CA10: variants seen among roughly 807,000 people sequenced by gnomAD.
CA10 encodes carbonic anhydrase-related protein 10.
A neutral mutation model predicts 44.2 loss-of-function variants in CA10; 14 were observed. The ratio of observed to expected loss-of-function variants is 0.32; its 90% CI spans 0.21 to 0.50. The LOEUF is 0.50. CA10 is among the 20% of genes least tolerant of loss of function. The probability of loss-of-function intolerance (pLI) is 0.99; values close to 1 mark genes in which losing one functional copy is unlikely to be tolerated. For missense variants in CA10, 350 were observed against 409.7 expected (o/e 0.85, Z 1.26); for synonymous variants, 159 against 141.6 (o/e 1.12, Z -0.87).
chr17:51,636,644 T>C (rs1263541378), intron 6 of CA10, among the ~76,000 whole-genome samples: 1 of 152,172 alleles, frequency 6.6e-6, no homozygotes, highest in Non-Finnish European at 1.5e-5. Flanking sequence ...TTAAAGCTTC[T>C]AGACCTGTTG....
chr17:51,998,296 T>C (rs979511332), intron 2 of CA10, among the ~76,000 whole-genome samples: 2 of 152,092 alleles, frequency 1.3e-5, no homozygotes, highest in African/African-American at 4.8e-5. Context: ...TGTGCTTAAT[T>C]ACACATTCAG....
At chr17:51,692,500 G>C (rs1219416049) in intron 4 of CA10, among the ~76,000 whole-genome samples, 1 of 151,834 alleles carries the variant, frequency 6.6e-6, no homozygotes, top group African/African-American at 2.4e-5. Flanking sequence ...AGGATAATTT[G>C]ATTTCTTCCT....
chr17:51,770,582 G>C (rs1479731347), intron 3 of CA10, among the ~76,000 whole-genome samples: 1 of 152,186 alleles, frequency 6.6e-6, no homozygotes, highest in Non-Finnish European at 1.5e-5. Context: ...GGTACTGATT[G>C]TATTAGGCTG....
chr17:51,783,245 T>A (rs1392369749), intron 3 of CA10, among the ~76,000 whole-genome samples: 1 of 152,188 alleles, frequency 6.6e-6, no homozygotes, highest in African/African-American at 2.4e-5. Context: ...ACTTATTGAA[T>A]GGCCCATTAG....
At chr17:51,871,336 A>C (rs1029116067) in intron 3 of CA10, among the ~76,000 whole-genome samples, 1 of 148,006 alleles carries the variant, frequency 6.8e-6, no homozygotes, top group Non-Finnish European at 1.5e-5. Flanking sequence ...GGTTCAAGCG[A>C]TTCTCCTGCC....
At chr17:51,672,322 G>A (rs1285092793) in intron 4 of CA10, among the ~76,000 whole-genome samples, 2 of 152,186 alleles carry the variant, frequency 1.3e-5, no homozygotes, top group Non-Finnish European at 2.9e-5. Context: ...GCAGCCCATG[G>A]TTTTAGTCAC....
intron 1 of CA10, among the ~76,000 whole-genome samples, chr17:52,114,256 G>T (rs1988844652): frequency 6.6e-6 from 1 of 152,134 alleles, no homozygotes; most frequent in African/African-American, 2.4e-5. Flanking sequence ...TACACCCTCA[G>T]ATTTCTGCTC....
intron 1 of CA10, among the ~76,000 whole-genome samples, chr17:52,127,379 T>A (rs982317393): frequency 6.7e-6 from 1 of 149,870 alleles, no homozygotes; most frequent in African/African-American, 2.4e-5. Context: ...GGGCTGTTTC[T>A]GATGTACTAT....
intron 3 of CA10, among the ~76,000 whole-genome samples, chr17:51,902,321 A>G (rs893979932): frequency 3.7e-4 from 57 of 152,150 alleles, no homozygotes; most frequent in African/African-American, 1.3e-3. Context: ...TTGCTCAGAG[A>G]TAGAAAGATG....
At chr17:51,766,572 A>C (rs1054719214) in intron 3 of CA10, among the ~76,000 whole-genome samples, 1 of 152,256 alleles carries the variant, frequency 6.6e-6, no homozygotes, top group Non-Finnish European at 1.5e-5. Flanking sequence ...GCTGACATTT[A>C]ATTTGCTGGG....
At chr17:52,109,410 T>C (rs1351392479) in intron 1 of CA10, among the ~76,000 whole-genome samples, 1 of 152,024 alleles carries the variant, frequency 6.6e-6, no homozygotes, top group East Asian at 1.9e-4. Flanking sequence ...AGAGAAGAAA[T>C]GTTTGAGTTT....
intron 3 of CA10, among the ~76,000 whole-genome samples, chr17:51,804,841 G>A (rs2143725864): frequency 6.6e-6 from 1 of 152,302 alleles, no homozygotes; most frequent in East Asian, 1.9e-4. Flanking sequence ...AACCATAAGG[G>A]TTTTAAAGCA....
intron 3 of CA10, among the ~76,000 whole-genome samples, chr17:51,798,341 G>C (rs1398574872): frequency 6.6e-6 from 1 of 152,194 alleles, no homozygotes; most frequent in African/African-American, 2.4e-5. Context: ...ATACTGTTGT[G>C]CATGTGCATC....
intron 2 of CA10, among the ~76,000 whole-genome samples, chr17:51,951,888 C>T (rs1204167277): frequency 6.6e-6 from 1 of 152,136 alleles, no homozygotes; most frequent in Non-Finnish European, 1.5e-5. Context: ...ACATTCTGTA[C>T]ACACAATAAC....
chr17:51,800,925 G>A (rs937726751), intron 3 of CA10, among the ~76,000 whole-genome samples: 12 of 152,268 alleles, frequency 7.9e-5, no homozygotes, highest in Admixed American at 5.9e-4. Flanking sequence ...CCCAGAAGAA[G>A]TACTTGCCCT....
chr17:51,903,636 CTCTT>C (rs1427864606), intron 3 of CA10, among the ~76,000 whole-genome samples: 9 of 152,144 alleles, frequency 5.9e-5, no homozygotes, highest in Non-Finnish European at 1.0e-4. Context: ...CCTGATTATA[CTCTT>C]TCTAATTTTT....
chr17:51,907,692 T>G (rs1406103768), intron 3 of CA10, among the ~76,000 whole-genome samples: 1 of 152,126 alleles, frequency 6.6e-6, no homozygotes, highest in Admixed American at 6.6e-5. Flanking sequence ...TGTCTAAAGA[T>G]GAGGGTTCCC....
At chr17:51,910,102 G>C (rs1345909564) in intron 3 of CA10, among the ~76,000 whole-genome samples, 3 of 152,030 alleles carry the variant, frequency 2.0e-5, no homozygotes, top group Admixed American at 6.6e-5. Context: ...AGGGTAATAG[G>C]AATGAATAAC....
chr17:51,945,788 C>T (rs964762488), intron 2 of CA10, among the ~76,000 whole-genome samples: 4 of 152,120 alleles, frequency 2.6e-5, no homozygotes, highest in Admixed American at 2.6e-4. Context: ...TTTCTCACTC[C>T]CTTTCAGTCT....
Sources: allele counts gnomAD v4.1 joint callset (sites outside exome capture counted in the v4.1 genomes callset), GRCh38; gene constraint gnomAD v4.1.1; transcripts MANE v1.5; gene names NCBI Gene and HGNC (gene_info 2026-07-23, HGNC 2026-07-21).